Variants in TDRD12 observed in about 807,000 individuals in gnomAD.
The protein encoded by TDRD12 is putative ATP-dependent RNA helicase TDRD12.
Under a neutral mutation model 133.5 loss-of-function variants are expected in TDRD12, and 158 were observed. That is an observed-to-expected ratio of 1.18 (90% CI 1.04 to 1.35). TDRD12 has a LOEUF of 1.35. Among genes scored for constraint, TDRD12 ranks in the 40% most tolerant of loss-of-function variants. TDRD12 has a pLI of 0.00. For missense variants in TDRD12, 1,443 were observed against 1,321.3 expected, an observed-to-expected ratio of 1.09 and a Z score of -1.43; for synonymous variants, 460 against 477.9, an observed-to-expected ratio of 0.96 and a Z score of 0.49.
chr19:32,759,111 G>A (rs144524877), intron 8 of TDRD12, among the ~76,000 whole-genome samples: 2 of 151,572 alleles, frequency 1.3e-5, no homozygotes, highest in African/African-American at 2.4e-5. Flanking sequence ...GCATGGTGGC[G>A]TGTGCCTGTA....
At chr19:32,827,133 A>G in intron 9 of TDRD12, 31 bp from the exon 33 acceptor site, 8 of 1,151,260 alleles carry the variant, frequency 6.9e-6, no homozygotes, top group Non-Finnish European at 8.7e-6. Flanking sequence ...ATTAGTCTAC[A>G]CTTATTTGTT....
chr19:32,820,571 T>C (rs1240054476), intron 27 of TDRD12, among the ~76,000 whole-genome samples: 1 of 152,212 alleles, frequency 6.6e-6, no homozygotes, highest in Non-Finnish European at 1.5e-5. Context: ...TGTTTAAATG[T>C]GTGTATGTGT....
intron 27 of TDRD12, among the ~76,000 whole-genome samples, chr19:32,820,812 T>A (rs1967354809): frequency 6.6e-6 from 1 of 152,138 alleles, no homozygotes; most frequent in African/African-American, 2.4e-5. Flanking sequence ...AGTGAAGGCC[T>A]GCCTGGTCCC....
At chr19:32,815,406 A>T in intron 25 of TDRD12, 42 bp from the exon 26 acceptor site, 1 of 1,478,196 alleles carries the variant, frequency 6.8e-7, no homozygotes, top group African/African-American at 1.4e-5. Flanking sequence ...GTTAAAATTC[A>T]GAGTGATTAC....
chr19:32,778,590 CCT>C (rs1970675989), intron 11 of TDRD12, among the ~76,000 whole-genome samples: 1 of 152,266 alleles, frequency 6.6e-6, no homozygotes, highest in Middle Eastern at 3.4e-3. Context: ...ACCTCCACCT[CCT>C]GGGTTCAAGC....
chr19:32,771,166 CTATT>C (rs1030344527), intron 8 of TDRD12, among the ~76,000 whole-genome samples: 1 of 151,916 alleles, frequency 6.6e-6, no homozygotes, highest in African/African-American at 2.4e-5. Flanking sequence ...GAGTGCTAGG[CTATT>C]TATTTATTTA....
intron 17 of TDRD12, 27 bp downstream of exon 17, chr19:32,800,385 ATG>A (rs113439291): frequency 0.019 from 23,981 of 1,237,518 alleles, 2 homozygotes; most frequent in South Asian, 0.022. Flanking sequence ...GTGTATGTGT[ATG>A]TGTGTGTGTG....
At chr19:32,720,849 C>T (rs1466574467) in intron 1 of TDRD12, among the ~76,000 whole-genome samples, 1 of 135,746 alleles carries the variant, frequency 7.4e-6, no homozygotes, top group African/African-American at 2.8e-5. Flanking sequence ...CCAGGGGGCA[C>T]CCCGGGCTGG....
chr19:32,757,325 C>T (rs1250791342), intron 8 of TDRD12, among the ~76,000 whole-genome samples, 195 bp downstream of exon 8: 4 of 152,100 alleles, frequency 2.6e-5, no homozygotes, highest in Admixed American at 6.6e-5. Context: ...TTTACTGTCA[C>T]GTAAAGAACA....
At chr19:32,794,021 C>A (rs1243512729) in intron 13 of TDRD12, among the ~76,000 whole-genome samples, 2 of 149,402 alleles carry the variant, frequency 1.3e-5, no homozygotes, top group Admixed American at 6.7e-5. Context: ...CTTGAACTCC[C>A]GACCTCAGGT....
At chr19:32,811,394 G>T in exon 24 of TDRD12, 1 of 1,536,074 alleles carries the variant, frequency 6.5e-7, no homozygotes, top group South Asian at 1.2e-5. Flanking sequence ...GAAACCTGCT[G>T]ACAACGAAAT....
chr19:32,823,223 C>T (rs1007745191), downstream of TDRD12, among the ~76,000 whole-genome samples: 23 of 152,192 alleles, frequency 1.5e-4, no homozygotes, highest in African/African-American at 5.5e-4. Context: ...GTTCATTCCT[C>T]ATTGAGGATG....
chr19:32,797,921 G>A, intron 15 of TDRD12, 30 bp downstream of exon 15: 1 of 669,856 alleles, frequency 1.5e-6, no homozygotes, highest in South Asian at 1.6e-5. Context: ...GGCTATAAAA[G>A]TTAAAGTATC....
At chr19:32,776,271 G>A (rs7260438) in intron 10 of TDRD12, among the ~76,000 whole-genome samples, 89,556 of 152,058 alleles carry the variant, frequency 0.59, 27,238 homozygotes, top group East Asian at 0.83. Flanking sequence ...GAGAAAAAAG[G>A]TGGAGATTTT....
In TDRD12 at chr19:32,765,552, C is replaced by T. The variant is rs79676864; in HGVS notation, c.866-7201C>T. ...GGCACATATACACCATGGAATACTA[C>T]GCAGCCATAAAAAGGATGAGTTCAG... is the stretch of plus-strand genomic sequence containing the variant. On this transcript the variant is annotated intron_variant, in intron 8 of 27. Transcript: ENST00000444215. Among the ~76,000 whole-genome samples, 40 of 152,186 alleles carry T rather than the reference C, an allele frequency of 2.6e-4. No homozygotes were observed. In the East Asian group the frequency reaches 6.6e-3, roughly 25 times the overall value.
rs1385990863 is a variant in TDRD12 at position 32,756,195 on chromosome 19, C to T, written c.772+14C>T. 24 of 1,401,126 alleles carry T rather than the reference C, an allele frequency of 1.7e-5. No homozygotes were observed. The highest frequency in any genetic ancestry group is 1.8e-4 in the Middle Eastern group (1 of 5,476). 86.8% of individuals were successfully genotyped at this position (1,401,126 alleles called of 1,614,324 possible). On this transcript the variant is annotated intron_variant, in intron 7 of 27. Transcript: ENST00000444215. ...AAGGAATGGAAGGTGAGTAGATTCT[C>T]ATCATATCAATTTCCCTTACATTGT...
chr19:32,764,728 G>A (rs768683539), intron 8 of TDRD12, among the ~76,000 whole-genome samples: 2 of 152,100 alleles, frequency 1.3e-5, no homozygotes, highest in Non-Finnish European at 2.9e-5. Context: ...TAATTGTCTT[G>A]TTTTCTCTTT....
In TDRD12 at chr19:32,777,857, A is replaced by ATTTT. The variant is rs869285558; in HGVS notation, c.1121+659_1121+662dup. ...TATATATATATATATATATATATAT[A>ATTTT]TTTTTTTTTTTTTTTTTTTTTTTTT... On this transcript the variant is annotated intron_variant, in intron 11 of 27. Coordinates refer to ENST00000444215, the Ensembl canonical transcript of TDRD12. Among the ~76,000 whole-genome samples the ATTTT allele has an allele frequency of 1.0e-4, 2 of 20,042 alleles. 1 individual carries two copies. Among genetic ancestry groups the ATTTT allele is most frequent in the Non-Finnish European group, 1.6e-4 (2 of 12,350 alleles). 13.1% of individuals were successfully genotyped at this position (20,042 alleles called of 152,430 possible).
chr19:32,811,580 C>G (rs914072949), intron 24 of TDRD12, among the ~76,000 whole-genome samples, 160 bp downstream of exon 24: 1 of 152,158 alleles, frequency 6.6e-6, no homozygotes, highest in African/African-American at 2.4e-5. Context: ...CCAGCTGAAC[C>G]CTCGGAGAGG....
Sources: gnomAD v4.1 joint callset for allele counts (sites outside exome capture counted in the v4.1 genomes callset) on GRCh38, gnomAD v4.1.1 for gene constraint, MANE v1.5 for transcripts, NCBI Gene and HGNC (gene_info 2026-07-23, HGNC 2026-07-21) for gene names.